Variants in TMSB15B observed in about 807,000 individuals in gnomAD.
TMSB15B encodes thymosin beta-15B.
chrX:103,934,438 A>C (rs1369196118), intron 1 of TMSB15B, among the ~76,000 whole-genome samples: 1 of 110,106 alleles, frequency 9.1e-6, no homozygotes, highest in Non-Finnish European at 1.9e-5. Context: ...TTTGCTGCAC[A>C]CATCAATCCG....
chrX:103,936,050 T>C (rs1285305298), intron 1 of TMSB15B, among the ~76,000 whole-genome samples: 2 of 110,019 alleles, frequency 1.8e-5, no homozygotes, highest in Non-Finnish European at 3.8e-5. Context: ...TTCTCCATAT[T>C]GGTCAGGCTG....
chrX:103,929,498 C>G (rs1309090676), intron 1 of TMSB15B, among the ~76,000 whole-genome samples: 31 of 111,026 alleles, frequency 2.8e-4, no homozygotes, highest in African/African-American at 8.8e-4. Flanking sequence ...TTGTTCACTG[C>G]CTCTACCACC....
At chrX:103,950,357 G>T (rs1418979157) in intron 1 of TMSB15B, among the ~76,000 whole-genome samples, 1 of 110,903 alleles carries the variant, frequency 9.0e-6, no homozygotes, top group Non-Finnish European at 1.9e-5. Context: ...TACAGCTGGG[G>T]CAGAGTGAGT....
At chrX:103,944,564 GA>G (rs1347843449) in intron 1 of TMSB15B, among the ~76,000 whole-genome samples, 1 of 111,552 alleles carries the variant, frequency 9.0e-6, no homozygotes, top group African/African-American at 3.3e-5. Context: ...CTGGGTTTGG[GA>G]AGATAGTTTG....
At chrX:103,949,012 A>G (rs1456988719) in intron 1 of TMSB15B, among the ~76,000 whole-genome samples, 1 of 111,697 alleles carries the variant, frequency 9.0e-6, no homozygotes, top group Non-Finnish European at 1.9e-5. Context: ...TCATTGATAC[A>G]GTGAGATTTG....
chrX:103,949,366 G>A (rs1321457727), intron 1 of TMSB15B, among the ~76,000 whole-genome samples: 1 of 112,127 alleles, frequency 8.9e-6, no homozygotes, highest in Non-Finnish European at 1.9e-5. Context: ...GTAGGCGAAT[G>A]AGAGTGGAAG....
intron 1 of TMSB15B, among the ~76,000 whole-genome samples, chrX:103,920,069 G>GT (rs1354329200): frequency 9.0e-6 from 1 of 111,531 alleles, no homozygotes; most frequent in Admixed American, 9.5e-5. Flanking sequence ...TCTTTCCTTC[G>GT]TTTTTTTAAA....
chrX:103,952,879 G>C (rs1318929544), intron 1 of TMSB15B, among the ~76,000 whole-genome samples: 1 of 111,566 alleles, frequency 9.0e-6, no homozygotes, highest in Non-Finnish European at 1.9e-5. Flanking sequence ...CTCCTTCGCT[G>C]TGCTCAGAAG....
At chrX:103,940,710 A>AAACAAC (rs1210954662) in intron 1 of TMSB15B, among the ~76,000 whole-genome samples, 95 of 110,424 alleles carry the variant, frequency 8.6e-4, no homozygotes, top group Non-Finnish European at 1.6e-3. Flanking sequence ...GGGGTATGAA[A>AAACAAC]AACAACAACA....
chrX:103,945,074 G>A (rs1243618415), intron 1 of TMSB15B, among the ~76,000 whole-genome samples: 6 of 112,924 alleles, frequency 5.3e-5, no homozygotes, highest in South Asian at 3.6e-4. Context: ...CACTGAGCCC[G>A]GCCAATATGA....
At position 103,923,671 on chromosome X, in the gene TMSB15B, G is replaced by T. The variant is rs782784625; in HGVS notation, c.-721+4379G>T. ...AGCTTTGTTCTTTTGGCTTAGGATT[G>T]TCTTGGCAATGCGGGCTCTTTTTTG... On this transcript the variant is annotated intron_variant, in intron 1 of 3. Transcript: ENST00000419165. 4.8e-3 allele frequency among the ~76,000 whole-genome samples: 536 copies of T among 111,813 alleles called. 1 individual carries two copies. The highest frequency in any genetic ancestry group is 7.5e-3 in the Non-Finnish European group (400 of 53,165).
intron 1 of TMSB15B, chrX:103,928,690 A>G: frequency 8.7e-7 from 1 of 1,155,645 alleles, no homozygotes; most frequent in Non-Finnish European, 1.2e-6. Context: ...CCAGGACCCC[A>G]TGCAGGATGG....
intron 1 of TMSB15B, among the ~76,000 whole-genome samples, chrX:103,943,668 T>C (rs1556326262): frequency 9.0e-6 from 1 of 111,592 alleles, no homozygotes; most frequent in Non-Finnish European, 1.9e-5. Flanking sequence ...TTTCACCTCT[T>C]TTTCCTCTAC....
chrX:103,928,906 C>G (rs1301808278), intron 1 of TMSB15B: 1 of 1,203,762 alleles, frequency 8.3e-7, no homozygotes, highest in African/African-American at 1.7e-5. Flanking sequence ...CCTGATCTAC[C>G]GTGGAGGCTC....
intron 1 of TMSB15B, chrX:103,928,261 A>G: frequency 8.3e-7 from 1 of 1,207,123 alleles, no homozygotes; most frequent in Non-Finnish European, 1.1e-6. Context: ...TGTTTCGGCA[A>G]CAGATCCATG....
At chrX:103,949,942 TGA>T (rs1346468992) in intron 1 of TMSB15B, among the ~76,000 whole-genome samples, 5 of 111,075 alleles carry the variant, frequency 4.5e-5, no homozygotes, top group Admixed American at 3.8e-4. Flanking sequence ...GTCAGTGAGA[TGA>T]GAGAGTGTGG....
intron 1 of TMSB15B, among the ~76,000 whole-genome samples, chrX:103,921,976 GC>G (rs1366169518): frequency 9.0e-6 from 1 of 111,687 alleles, no homozygotes; most frequent in Non-Finnish European, 1.9e-5. Flanking sequence ...TTCCAAACAA[GC>G]AGTCTAAAAG....
intron 1 of TMSB15B, among the ~76,000 whole-genome samples, chrX:103,944,830 G>C (rs1211590537): frequency 2.7e-5 from 3 of 111,982 alleles, no homozygotes; most frequent in Non-Finnish European, 5.6e-5. Flanking sequence ...GCCTCTCTCT[G>C]TTACCCAGGC....
chrX:103,938,944 T>C (rs782308672), intron 1 of TMSB15B, among the ~76,000 whole-genome samples: 2 of 112,451 alleles, frequency 1.8e-5, no homozygotes, highest in Non-Finnish European at 3.8e-5. Context: ...AAATTCTGGT[T>C]TGAAAATTAT....
Sources: gnomAD v4.1 joint callset for allele counts (sites outside exome capture counted in the v4.1 genomes callset) on GRCh38, gnomAD v4.1.1 for gene constraint, MANE v1.5 for transcripts, NCBI Gene and HGNC (gene_info 2026-07-23, HGNC 2026-07-21) for gene names.